Variants in CLDN10 observed in about 807,000 individuals in gnomAD.
CLDN10 encodes claudin-10.
Under a neutral mutation model 22.9 loss-of-function variants are expected in CLDN10, and 15 were observed. The ratio of observed to expected loss-of-function variants is 0.65; its 90% CI spans 0.44 to 1.01. The LOEUF (loss-of-function observed/expected upper bound fraction) is 1.01. CLDN10 is among the 50% of genes least tolerant of loss of function. CLDN10 has a pLI of 0.00. For synonymous variants in CLDN10, 114 were observed against 111.4 expected, an observed-to-expected ratio of 1.02 and a Z score of -0.15; for missense variants, 247 against 287.8, an observed-to-expected ratio of 0.86 and a Z score of 1.03.
chr13:95,454,597 A>G (rs894969082), intron 1 of CLDN10, among the ~76,000 whole-genome samples: 1 of 152,096 alleles, frequency 6.6e-6, no homozygotes, highest in African/African-American at 2.4e-5. Context: ...TCCTTTTTCT[A>G]TACTCCAGCC....
intron 1 of CLDN10, among the ~76,000 whole-genome samples, chr13:95,536,418 C>A (rs1318212850): frequency 6.6e-6 from 1 of 152,140 alleles, no homozygotes; most frequent in Non-Finnish European, 1.5e-5. Context: ...CACTGCACTC[C>A]AGCCCAGGCG....
At position 95,552,900 on chromosome 13, in the gene CLDN10, G is replaced by A. The variant is rs201714839; in HGVS notation, c.147G>A (p.Leu49=). ...CAACCGCCACCTATTGGGCCAACCT[G>A]TGGAAGGCGTGCGTTACCGACTCCA... ...VITTATYWAN[L]WKACVTDSTG... The change falls in exon 1 of 5, where the codon CTG becomes CTA. Residue 49 remains leucine, a synonymous_variant. Coordinates refer to ENST00000299339, the MANE Select transcript of CLDN10 (RefSeq NM_006984.5). The A allele has an allele frequency of 6.2e-7, 1 of 1,614,124 alleles. No individual in the cohort carries two copies. Among genetic ancestry groups the A allele is most frequent in the East Asian group, 2.2e-5 (1 of 44,862 alleles).
chr13:95,576,586 A>G (rs1000541770), intron 3 of CLDN10, among the ~76,000 whole-genome samples: 2 of 152,166 alleles, frequency 1.3e-5, no homozygotes, highest in Non-Finnish European at 2.9e-5. Context: ...TTTTGTCCTC[A>G]GTAGCACTGT....
At position 95,577,984 on chromosome 13, in the gene CLDN10, A is replaced by C. The variant is rs776000326; in HGVS notation, c.657A>C (p.Ser219=). The C allele has an allele frequency of 2.5e-6, 4 of 1,613,034 alleles. No homozygotes were observed. Among genetic ancestry groups the C allele is most frequent in the Non-Finnish European group, 3.4e-6 (4 of 1,179,116 alleles). ...GGEDFKTTNP[S]KQFDKNAYV Reference sequence around the variant, plus strand: ...AAGATTTTAAAACAACAAACCCTTCAAAACAGTTTGATAAAAATGCTTATG... The same window carrying C: ...AAGATTTTAAAACAACAAACCCTTCCAAACAGTTTGATAAAAATGCTTATG... Residue 219 remains serine, a synonymous_variant, in exon 5 of 5, where the codon TCA becomes TCC. Transcript: ENST00000299339.
intron 1 of CLDN10, among the ~76,000 whole-genome samples, chr13:95,527,938 C>A (rs1365993839): frequency 6.6e-6 from 1 of 152,006 alleles, no homozygotes; most frequent in African/African-American, 2.4e-5. Context: ...GTATGCTGAA[C>A]CATTGACCAC....
intron 1 of CLDN10, among the ~76,000 whole-genome samples, chr13:95,514,235 G>A (rs942708269): frequency 2.0e-5 from 3 of 152,092 alleles, no homozygotes; most frequent in Non-Finnish European, 1.5e-5. Context: ...CTCCAGCCTG[G>A]GTGACAGAGG....
chr13:95,498,745 AACATAAACTTTACC>A (rs1226353455), intron 1 of CLDN10, among the ~76,000 whole-genome samples: 6 of 152,238 alleles, frequency 3.9e-5, no homozygotes, highest in African/African-American at 1.4e-4. Flanking sequence ...AAATATGCAC[AACATAAACTTTACC>A]ACATTGACCA....
At chr13:95,529,189 G>A (rs2138600913) in intron 1 of CLDN10, among the ~76,000 whole-genome samples, 1 of 152,068 alleles carries the variant, frequency 6.6e-6, no homozygotes, top group African/African-American at 2.4e-5. Context: ...AAATTTAAAA[G>A]GAATCCTCAA....
At chr13:95,516,238 G>A (rs12870793) in intron 1 of CLDN10, among the ~76,000 whole-genome samples, 17,767 of 152,120 alleles carry the variant, frequency 0.12, 1,169 homozygotes, top group Middle Eastern at 0.25. Flanking sequence ...GTATCGGTTG[G>A]CCAGTAGCCC....
At chr13:95,567,304 T>C (rs2043799553) in intron 3 of CLDN10, among the ~76,000 whole-genome samples, 1 of 152,212 alleles carries the variant, frequency 6.6e-6, no homozygotes, top group Admixed American at 6.5e-5. Flanking sequence ...TGTTGAGCAG[T>C]GGTTTGTAGT....
At chr13:95,475,437 C>T (rs1021799429) in intron 1 of CLDN10, among the ~76,000 whole-genome samples, 1 of 152,202 alleles carries the variant, frequency 6.6e-6, no homozygotes, top group African/African-American at 2.4e-5. Flanking sequence ...CTGCAACCAC[C>T]ATCAGATGCC....
chr13:95,516,032 C>T (rs1420803496), intron 1 of CLDN10, among the ~76,000 whole-genome samples: 1 of 151,614 alleles, frequency 6.6e-6, no homozygotes, highest in Admixed American at 6.6e-5. Context: ...TGAGATTATA[C>T]CACTGCACTC....
chr13:95,511,341 A>G (rs1313711402), intron 1 of CLDN10, among the ~76,000 whole-genome samples: 1 of 151,992 alleles, frequency 6.6e-6, no homozygotes, highest in Non-Finnish European at 1.5e-5. Flanking sequence ...AAGGAAAGAG[A>G]AAAAAACCCT....
upstream of CLDN10, among the ~76,000 whole-genome samples, chr13:95,552,012 G>A (rs145053109): frequency 4.4e-4 from 67 of 152,364 alleles, no homozygotes; most frequent in African/African-American, 1.4e-3. Context: ...TGCCCTCTGC[G>A]TAGTGCATTA....
intron 1 of CLDN10, among the ~76,000 whole-genome samples, chr13:95,515,992 T>C (rs9525000): frequency 0.84 from 127,949 of 151,514 alleles, 54,398 homozygotes; most frequent in East Asian, 0.96. Context: ...GAGAATTGAT[T>C]GAACCCCAGA....
At chr13:95,577,440 T>G (rs1566348367) in intron 4 of CLDN10, 102 bp downstream of exon 4, 1 of 807,996 alleles carries the variant, frequency 1.2e-6, no homozygotes. Flanking sequence ...TCTTAGAAAC[T>G]TCCAAAATCC....
At chr13:95,445,369 C>G (rs1186418879) in intron 1 of CLDN10, among the ~76,000 whole-genome samples, 1 of 152,216 alleles carries the variant, frequency 6.6e-6, no homozygotes, top group Admixed American at 6.5e-5. Context: ...CTGGAAGAAG[C>G]TGAAAGCTAT....
chr13:95,545,105 C>T (rs1244519781), intron 1 of CLDN10, among the ~76,000 whole-genome samples: 1 of 152,054 alleles, frequency 6.6e-6, no homozygotes, highest in Non-Finnish European at 1.5e-5. Context: ...TCAAATCTTG[C>T]TTCTAATTCA....
At chr13:95,525,102 C>G (rs947892565) in intron 1 of CLDN10, among the ~76,000 whole-genome samples, 1 of 152,080 alleles carries the variant, frequency 6.6e-6, no homozygotes. Context: ...CAGGTGATTG[C>G]CCGCCTCGGC....
Sources: gnomAD v4.1 joint callset for allele counts (sites outside exome capture counted in the v4.1 genomes callset) on GRCh38, gnomAD v4.1.1 for gene constraint, MANE v1.5 for transcripts, NCBI Gene and HGNC (gene_info 2026-07-23, HGNC 2026-07-21) for gene names.